Variants in ZNF623 observed in about 807,000 individuals in gnomAD.
ZNF623 encodes zinc finger protein 623.
In ZNF623, 16 loss-of-function variants were observed where a neutral mutation model predicts 24.0. The observed-to-expected ratio is 0.67, with a 90% CI of 0.45 to 1.01. The LOEUF (loss-of-function observed/expected upper bound fraction) is 1.01. Among genes scored for constraint, ZNF623 ranks in the 50% least tolerant of loss-of-function variants. The pLI is 0.00. For missense variants in ZNF623, 566 were observed against 606.5 expected, an observed-to-expected ratio of 0.93 and a Z score of 0.70; for synonymous variants, 224 against 219.8, an observed-to-expected ratio of 1.02 and a Z score of -0.17.
rs1363427020 is a variant in ZNF623 at position 143,636,021 on chromosome 8, C to T, written c.-220C>T. 2 of 152,458 alleles carry T rather than the reference C, an allele frequency of 1.3e-5. No individual in the cohort carries two copies. The highest frequency in any genetic ancestry group is 2.9e-5 in the Non-Finnish European group (2 of 68,226). 9.4% of individuals were successfully genotyped at this position (152,458 alleles called of 1,614,324 possible). On this transcript the variant is annotated 5_prime_UTR_variant, in exon 1 of 2. Transcript: ENST00000526926. ...GTTTCCCAGGCGGGGCCTCTCGCGA[C>T]TTCCGGTCGCGGCGGGCTGGCGGCG...
chr8:143,652,120 TA>T lies in ZNF623; in HGVS notation c.*639del, dbSNP rs772457993. ...GTTGAAGGGTCTCTTCTCAGCTAAT[TA>T]ACTCTGAATCATGGTTCAAGACAAG... On this transcript the variant is annotated 3_prime_UTR_variant, in exon 2 of 2. Transcript: ENST00000526926. 1.2e-5 allele frequency: 2 copies of T among 167,312 alleles called. No homozygotes were observed. The highest frequency in any genetic ancestry group is 4.8e-5 in the African/African-American group (2 of 41,466). The allele number at this position is 167,312 out of a possible 1,614,324, so 10.4% of individuals were successfully genotyped here. A position where few individuals can be genotyped will look rare whatever the true frequency, so the allele number is the denominator to read the frequency against.
intron 1 of ZNF623, among the ~76,000 whole-genome samples, chr8:143,641,035 A>G (rs2131441569): frequency 6.6e-6 from 1 of 151,360 alleles, no homozygotes; most frequent in African/African-American, 2.4e-5. Flanking sequence ...TCTTTAGGCT[A>G]CACTTCTAAA....
intron 1 of ZNF623, among the ~76,000 whole-genome samples, chr8:143,645,912 A>C (rs928588318): frequency 1.3e-5 from 2 of 151,864 alleles, no homozygotes; most frequent in Non-Finnish European, 2.9e-5. Flanking sequence ...TTTTTATGGG[A>C]GATTTTCCAG....
chr8:143,636,745 G>T (rs544927373), intron 1 of ZNF623, among the ~76,000 whole-genome samples: 1 of 152,322 alleles, frequency 6.6e-6, no homozygotes, highest in South Asian at 2.1e-4. Context: ...AGAATTCCCA[G>T]ATGGGGAGAG....
chr8:143,650,707 A>C lies in ZNF623; in HGVS notation c.715A>C (p.Ile239Leu). 6.2e-7 allele frequency: 1 copy of C among 1,614,146 alleles called. No homozygotes were observed. The highest frequency in any genetic ancestry group is 1.1e-5 in the South Asian group (1 of 91,078). ...ATCCTTCATAAGGAGCTCGAGCCTCATTCGCCATTATCAGATCCACACAGA... is the reference window on the plus strand; with the variant it reads ...ATCCTTCATAAGGAGCTCGAGCCTCCTTCGCCATTATCAGATCCACACAGA... ...GKSFIRSSSLIRHYQIHTEVK... is the reference protein window; with the variant it reads ...GKSFIRSSSLLRHYQIHTEVK... The change falls in exon 2 of 2, where the codon ATT becomes CTT. Residue 239 changes from isoleucine to leucine, a missense_variant. Ile to Leu is a conservative substitution (Grantham distance 5). Transcript: ENST00000526926. This position sits in a 1 kb window ranked among gnomAD's most constrained non-coding sequence, Gnocchi z 5.2.
intron 1 of ZNF623, among the ~76,000 whole-genome samples, chr8:143,638,014 A>G (rs1487925834): frequency 1.3e-5 from 2 of 152,246 alleles, no homozygotes; most frequent in African/African-American, 4.8e-5. Flanking sequence ...AATTCATACA[A>G]GAAAAAGTTA....
At chr8:143,639,354 G>T (rs190221171) in intron 1 of ZNF623, among the ~76,000 whole-genome samples, 1 of 151,938 alleles carries the variant, frequency 6.6e-6, no homozygotes, top group Non-Finnish European at 1.5e-5. Flanking sequence ...CTCCCAAGTA[G>T]CTGGGATTAC....
chr8:143,650,774 G>A lies in ZNF623; in HGVS notation c.782G>A (p.Arg261His), dbSNP rs749852524. Residue 261 changes from arginine to histidine, a missense_variant, in exon 2 of 2, where the codon CGT becomes CAT. Around this residue, in one of 3 missense-constraint regions of ZNF623, gnomAD observed 117 missense variants for 174.2 expected, o/e 0.67. Transcript: ENST00000526926. The surrounding 1 kb of genome is among the most constrained non-coding windows in gnomAD (Gnocchi z 5.2). ...TGCAAAGAATGTGGGAAGGCATTCC[G>A]TCATCGCTCAGACCTTATTGAACAC... ...YECKECGKAF[R>H]HRSDLIEHQR... 2.8e-5 allele frequency: 46 copies of A among 1,614,048 alleles called. No homozygotes were observed. Among genetic ancestry groups the A allele is most frequent in the Middle Eastern group, 1.6e-4 (1 of 6,084 alleles).
In ZNF623 at chr8:143,650,020, G is replaced by A. The variant is rs943217100; in HGVS notation, c.28G>A (p.Glu10Lys). Residue 10 changes from glutamate to lysine, a missense_variant, in exon 2 of 2, where the codon GAA becomes AAA. Physicochemically the swap from Glu to Lys is moderately conservative, Grantham distance 56. This residue lies in a region of ZNF623 where 313 missense variants were observed against 300.4 expected (regional missense o/e 1.04). Coordinates refer to ENST00000526926, the MANE Select transcript of ZNF623 (RefSeq NM_001261843.2). This position sits in a 1 kb window ranked among gnomAD's most constrained non-coding sequence, Gnocchi z 5.2. MELPSPESE[E>K]VHEPRLGELL... is the part of the protein sequence containing the mutation. ...GGAGCTCCCCTCTCCCGAGTCTGAG[G>A]AAGTCCACGAGCCCAGATTAGGGGA... 6.2e-7 allele frequency: 1 copy of A among 1,614,070 alleles called. No homozygotes were observed. Among genetic ancestry groups the A allele is most frequent in the Non-Finnish European group, 8.5e-7 (1 of 1,180,034 alleles).
chr8:143,646,466 C>A (rs898759256), intron 1 of ZNF623, among the ~76,000 whole-genome samples: 16 of 152,058 alleles, frequency 1.1e-4, no homozygotes, highest in African/African-American at 3.9e-4. Flanking sequence ...AAGAACAGAA[C>A]AAAGTTCCTG....
At position 143,650,384 on chromosome 8, in the gene ZNF623, G is replaced by T. The variant is rs1431955468; in HGVS notation, c.392G>T (p.Arg131Ile). ...GQSSHLMEHQ[R>I]IHTGERLYVC... ...AGCTCACACCTTATGGAGCATCAGA[G>T]AATTCACACTGGAGAGAGACTCTAC... Residue 131 changes from arginine to isoleucine, a missense_variant, in exon 2 of 2, where the codon AGA (arginine) becomes ATA (isoleucine). This residue lies in a region of ZNF623 where 313 missense variants were observed against 300.4 expected (regional missense o/e 1.04). Transcript: ENST00000526926. This position sits in a 1 kb window ranked among gnomAD's most constrained non-coding sequence, Gnocchi z 5.2. The T allele has an allele frequency of 4.3e-6, 7 of 1,614,096 alleles. No homozygotes were observed. The highest frequency in any genetic ancestry group is 1.3e-5 in the African/African-American group (1 of 74,938).
intron 1 of ZNF623, among the ~76,000 whole-genome samples, chr8:143,639,244 T>G (rs1017331871): frequency 2.9e-5 from 4 of 137,718 alleles, no homozygotes; most frequent in Admixed American, 2.2e-4. Context: ...TGAGATGGAG[T>G]TTCGCTCTTG....
At chr8:143,647,885 G>A (rs189384378) in intron 1 of ZNF623, among the ~76,000 whole-genome samples, 143 of 152,332 alleles carry the variant, frequency 9.4e-4, no homozygotes, top group African/African-American at 2.9e-3. Flanking sequence ...GGCGTCTGGC[G>A]CTGGGCATGG....
At chr8:143,640,072 A>G (rs1354573095) in intron 1 of ZNF623, among the ~76,000 whole-genome samples, 1 of 152,194 alleles carries the variant, frequency 6.6e-6, no homozygotes, top group Non-Finnish European at 1.5e-5. Context: ...CATCCCACAC[A>G]TGGGGATGTG....
At chr8:143,645,172 G>A (rs559430597) in intron 1 of ZNF623, among the ~76,000 whole-genome samples, 1,838 of 145,024 alleles carry the variant, frequency 0.013, 20 homozygotes, top group Non-Finnish European at 0.019. Flanking sequence ...GGCCGAGCGT[G>A]GTGGCTCATG....
At chr8:143,646,552 T>C (rs1222423136) in intron 1 of ZNF623, among the ~76,000 whole-genome samples, 1 of 151,588 alleles carries the variant, frequency 6.6e-6, no homozygotes, top group Non-Finnish European at 1.5e-5. Context: ...TGTGCGTGTG[T>C]GTGTGTGTGT....
In ZNF623 at chr8:143,651,376, G is replaced by A. The variant is rs768165638; in HGVS notation, c.1384G>A (p.Val462Ile). The change falls in exon 2 of 2, where the codon GTT becomes ATT. Residue 462 changes from valine to isoleucine, a missense_variant. Coordinates refer to ENST00000526926, the MANE Select transcript of ZNF623 (RefSeq NM_001261843.2). The stretch of plus-strand genomic sequence containing the variant: ...GAGAGATTTTAACTCAACTACAAAC[G>A]TTAAAAATAATCAAAGGGTTCACCA... ...YGRDFNSTTN[V>I]KNNQRVHQEG... 1.5e-5 allele frequency: 24 copies of A among 1,614,000 alleles called. No homozygotes were observed. Among genetic ancestry groups the A allele is most frequent in the South Asian group, 5.5e-5 (5 of 91,076 alleles).
intron 1 of ZNF623, among the ~76,000 whole-genome samples, chr8:143,636,811 C>CT (rs920802540): frequency 6.6e-6 from 1 of 152,216 alleles, no homozygotes; most frequent in South Asian, 2.1e-4. Context: ...CCCTTCGCGT[C>CT]TTTAAGAATC....
At chr8:143,642,898 A>T (rs917010592) in intron 1 of ZNF623, among the ~76,000 whole-genome samples, 1 of 152,218 alleles carries the variant, frequency 6.6e-6, no homozygotes, top group South Asian at 2.1e-4. Context: ...CTGGCCCCTA[A>T]TGTACACACC....
Sources: gnomAD v4.1 joint callset for allele counts (sites outside exome capture counted in the v4.1 genomes callset) on GRCh38, gnomAD v4.1.1 for gene constraint, gnomAD v4.1.1 regional missense constraint, Gnocchi (gnomAD v3.1) non-coding constraint, MANE v1.5 for transcripts, NCBI Gene and HGNC (gene_info 2026-07-23, HGNC 2026-07-21) for gene names.